Variants in EPHB1 observed in about 807,000 individuals in gnomAD.
EPHB1 encodes ephrin type-B receptor 1.
A neutral mutation model predicts 94.4 loss-of-function variants in EPHB1; 30 were observed. The observed-to-expected ratio is 0.32, with a 90% CI of 0.24 to 0.43. The LOEUF is 0.43. EPHB1 is among the 20% of genes least tolerant of loss of function. The pLI is 1.00. For missense variants in EPHB1, 1,055 were observed against 1,308.3 expected, an observed-to-expected ratio of 0.81 and a Z score of 2.99; for synonymous variants, 522 against 489.1, an observed-to-expected ratio of 1.07 and a Z score of -0.89.
chr3:134,945,296 G>A (rs1326940823), intron 2 of EPHB1, among the ~76,000 whole-genome samples: 3 of 151,974 alleles, frequency 2.0e-5, no homozygotes, highest in Non-Finnish European at 4.4e-5. Context: ...TGGCTTCTGA[G>A]TTTCATATCA....
At chr3:135,145,531 T>A (rs1357995679) in intron 5 of EPHB1, among the ~76,000 whole-genome samples, 1 of 152,198 alleles carries the variant, frequency 6.6e-6, no homozygotes, top group African/African-American at 2.4e-5. Flanking sequence ...CAGCTCTGAT[T>A]CACCCAGAGC....
intron 3 of EPHB1, among the ~76,000 whole-genome samples, chr3:135,018,627 T>A (rs1462931885): frequency 6.6e-6 from 1 of 152,176 alleles, no homozygotes; most frequent in East Asian, 1.9e-4. Context: ...CAGATACCTT[T>A]GAACATATTT....
intron 1 of EPHB1, among the ~76,000 whole-genome samples, chr3:134,916,459 G>T (rs541134669): frequency 6.6e-6 from 1 of 152,264 alleles, no homozygotes; most frequent in African/African-American, 2.4e-5. Flanking sequence ...GCAGGGTGGG[G>T]TGGGGAGGCT....
At chr3:134,871,572 T>C (rs970809449) in intron 1 of EPHB1, among the ~76,000 whole-genome samples, 1 of 152,202 alleles carries the variant, frequency 6.6e-6, no homozygotes, top group Non-Finnish European at 1.5e-5. Context: ...TATTATTTAC[T>C]ATCATTATTA....
intron 1 of EPHB1, among the ~76,000 whole-genome samples, chr3:134,869,829 C>T (rs1008374006): frequency 6.6e-6 from 1 of 152,140 alleles, no homozygotes; most frequent in Non-Finnish European, 1.5e-5. Context: ...TTTCTTTTTA[C>T]ATTCATGCTT....
chr3:135,156,183 A>C (rs1015057262), intron 6 of EPHB1, among the ~76,000 whole-genome samples: 7 of 151,950 alleles, frequency 4.6e-5, no homozygotes, highest in Non-Finnish European at 4.4e-5. Flanking sequence ...TCAGTGTCTA[A>C]AATGCTTGTA....
intron 3 of EPHB1, among the ~76,000 whole-genome samples, chr3:134,978,643 C>T (rs542239155): frequency 6.6e-6 from 1 of 152,338 alleles, no homozygotes; most frequent in East Asian, 1.9e-4. Context: ...ACTAAGCCTT[C>T]CCTGTCTGTA....
chr3:135,251,256 C>G (rs1321814336), intron 15 of EPHB1, among the ~76,000 whole-genome samples: 2 of 152,192 alleles, frequency 1.3e-5, no homozygotes, highest in Non-Finnish European at 2.9e-5. Context: ...AAAAGAAGCA[C>G]TTACCAGTGG....
chr3:135,129,443 C>G (rs1393493132), intron 4 of EPHB1, among the ~76,000 whole-genome samples: 1 of 152,172 alleles, frequency 6.6e-6, no homozygotes, highest in Non-Finnish European at 1.5e-5. Context: ...TACTTCAAGG[C>G]CTCTCCAAGG....
At chr3:134,948,994 G>A (rs1456686656) in intron 2 of EPHB1, among the ~76,000 whole-genome samples, 1 of 152,224 alleles carries the variant, frequency 6.6e-6, no homozygotes, top group Non-Finnish European at 1.5e-5. Flanking sequence ...ACAGAGTTGT[G>A]AGTTTGGGGA....
intron 15 of EPHB1, among the ~76,000 whole-genome samples, chr3:135,257,288 G>A (rs1170459007): frequency 6.6e-6 from 1 of 152,174 alleles, no homozygotes; most frequent in Non-Finnish European, 1.5e-5. Flanking sequence ...AGGAGGAGAG[G>A]CGCTCTGCTT....
intron 1 of EPHB1, among the ~76,000 whole-genome samples, chr3:134,923,812 C>G (rs1578200777): frequency 6.6e-6 from 1 of 152,112 alleles, no homozygotes; most frequent in African/African-American, 2.4e-5. Context: ...GCATTCACAT[C>G]TCCTCCCTGA....
chr3:134,835,419 C>T (rs2036655027), intron 1 of EPHB1, among the ~76,000 whole-genome samples: 1 of 152,206 alleles, frequency 6.6e-6, no homozygotes, highest in Non-Finnish European at 1.5e-5. Flanking sequence ...GGAACACAGG[C>T]ATATGCACAT....
chr3:135,192,457 T>C, intron 10 of EPHB1, 119 bp from the exon 11 acceptor site: 1 of 1,268,250 alleles, frequency 7.9e-7, no homozygotes, highest in Non-Finnish European at 1.1e-6. Context: ...ACTGTTTTAA[T>C]TTCCGCCACT....
intron 5 of EPHB1, among the ~76,000 whole-genome samples, chr3:135,144,894 G>C (rs1940959297): frequency 6.6e-6 from 1 of 152,216 alleles, no homozygotes; most frequent in Non-Finnish European, 1.5e-5. Context: ...GATAGGAAGG[G>C]AATGTCAGAG....
chr3:135,148,777 G>C (rs574686928), intron 5 of EPHB1, among the ~76,000 whole-genome samples: 4 of 152,240 alleles, frequency 2.6e-5, no homozygotes, highest in African/African-American at 9.6e-5. Context: ...GTCTTTGGTG[G>C]CAAAAACAGA....
At chr3:134,881,233 A>G (rs1260381933) in intron 1 of EPHB1, among the ~76,000 whole-genome samples, 1 of 152,162 alleles carries the variant, frequency 6.6e-6, no homozygotes, top group Non-Finnish European at 1.5e-5. Context: ...AGAGGCTCCA[A>G]AGGCTCTGTG....
At chr3:135,038,035 G>A (rs533767883) in intron 3 of EPHB1, among the ~76,000 whole-genome samples, 56 of 152,266 alleles carry the variant, frequency 3.7e-4, no homozygotes, top group South Asian at 3.1e-3. Context: ...CACAGAGCTC[G>A]GGTGTGTCCC....
intron 9 of EPHB1, among the ~76,000 whole-genome samples, chr3:135,177,146 C>T (rs1265278182): frequency 6.6e-6 from 1 of 152,128 alleles, no homozygotes; most frequent in African/African-American, 2.4e-5. Flanking sequence ...ATGTTACCGC[C>T]CTCATAGGCA....
Sources: allele counts gnomAD v4.1 joint callset (sites outside exome capture counted in the v4.1 genomes callset), GRCh38; gene constraint gnomAD v4.1.1; transcripts MANE v1.5; gene names NCBI Gene and HGNC (gene_info 2026-07-23, HGNC 2026-07-21).